The following APP variants were observed in gnomAD, a reference collection of about 807,000 sequenced individuals.
The protein encoded by APP is amyloid-beta precursor protein.
Under a neutral mutation model 101.4 loss-of-function variants are expected in APP, and 31 were observed. That is an observed-to-expected ratio of 0.31 (90% CI 0.23 to 0.41). The LOEUF (loss-of-function observed/expected upper bound fraction) is 0.41, where lower values mean the gene tolerates loss of function less well. Among genes scored for constraint, APP ranks in the 10% least tolerant of loss-of-function variants. APP has a pLI of 1.00. For missense variants in APP, 839 were observed against 1,003.7 expected, an observed-to-expected ratio of 0.84 and a Z score of 2.22; for synonymous variants, 366 against 364.4, an observed-to-expected ratio of 1.00 and a Z score of -0.05.
intron 1 of APP, among the ~76,000 whole-genome samples, chr21:26,167,874 T>C (rs1385611603): frequency 6.6e-6 from 1 of 152,190 alleles, no homozygotes; most frequent in Non-Finnish European, 1.5e-5. Flanking sequence ...CTGCCAGTTA[T>C]CATGGTTTCT....
rs529127779 is a variant in APP at position 26,163,770 on chromosome 21, A to G, written c.57+6794T>C. ...CCTGCGTTCATCATCATTTAACCAC[A>G]GTATCACCAGTTTCATACACTCAAG... On this transcript the variant is annotated intron_variant, in intron 1 of 17. Transcript: ENST00000346798. 7.2e-5 allele frequency among the ~76,000 whole-genome samples: 11 copies of G among 152,338 alleles called. No individual in the cohort carries two copies. In the South Asian group the frequency reaches 2.1e-3, roughly 29 times the overall value.
At chr21:25,906,250 A>G (rs756816245) in intron 14 of APP, among the ~76,000 whole-genome samples, 7 of 152,250 alleles carry the variant, frequency 4.6e-5, no homozygotes, top group Non-Finnish European at 1.0e-4. Context: ...GCACTAGGAT[A>G]TTTGGATGAA....
At chr21:26,155,995 C>T (rs1336223885) in intron 1 of APP, among the ~76,000 whole-genome samples, 4 of 117,404 alleles carry the variant, frequency 3.4e-5, no homozygotes, top group East Asian at 2.3e-4. Flanking sequence ...AGCGAGACTT[C>T]GTCTCAAAAA....
chr21:25,989,596 TATATTA>T (rs1388905562), intron 8 of APP, among the ~76,000 whole-genome samples: 2 of 152,226 alleles, frequency 1.3e-5, no homozygotes, highest in Non-Finnish European at 2.9e-5. Context: ...ATTCAGTCGA[TATATTA>T]ATATTAGATT....
In APP at chr21:26,012,016, T is replaced by C. The variant is rs550734162; in HGVS notation, c.865+9824A>G. 3.4e-5 allele frequency among the ~76,000 whole-genome samples: 5 copies of C among 148,994 alleles called. No individual in the cohort carries two copies. The East Asian group carries it at 7.8e-4, about 23-fold the overall frequency. ...TTTAACATTTCCTCTGCCTTAATCT[T>C]TTTTTTTTTTGGACAGGGTCTCACT... On this transcript the variant is annotated intron_variant, in intron 6 of 17. Coordinates refer to ENST00000346798, the MANE Select transcript of APP (RefSeq NM_000484.4).
At chr21:26,105,109 G>A (rs2062153467) in intron 2 of APP, among the ~76,000 whole-genome samples, 1 of 145,586 alleles carries the variant, frequency 6.9e-6, no homozygotes, top group Admixed American at 6.8e-5. Flanking sequence ...TTTGCCCAAT[G>A]ACAGATACCA....
chr21:26,124,105 T>G (rs2062633369), intron 1 of APP, among the ~76,000 whole-genome samples: 1 of 152,140 alleles, frequency 6.6e-6, no homozygotes, highest in South Asian at 2.1e-4. Context: ...CAATAAATAC[T>G]TATGCCAACA....
At chr21:25,938,248 C>T (rs1023689734) in intron 13 of APP, among the ~76,000 whole-genome samples, 3 of 152,100 alleles carry the variant, frequency 2.0e-5, no homozygotes, top group African/African-American at 7.2e-5. Context: ...GTTAATAATG[C>T]TTCATTGTAA....
intron 5 of APP, among the ~76,000 whole-genome samples, chr21:26,036,407 T>A (rs571936550): frequency 6.6e-6 from 1 of 152,106 alleles, no homozygotes; most frequent in Non-Finnish European, 1.5e-5. Context: ...AGGTAACCAA[T>A]TCTAAGAACT....
At chr21:25,957,093 A>T (rs1486166809) in intron 11 of APP, among the ~76,000 whole-genome samples, 1 of 152,168 alleles carries the variant, frequency 6.6e-6, no homozygotes, top group African/African-American at 2.4e-5. Flanking sequence ...ATACATATAC[A>T]CAATAAAAAT....
At chr21:26,104,662 A>T (rs185697489) in intron 2 of APP, among the ~76,000 whole-genome samples, 27 of 152,352 alleles carry the variant, frequency 1.8e-4, no homozygotes, top group African/African-American at 5.8e-4. Flanking sequence ...AAAACAACCC[A>T]GTAACACAAA....
At chr21:26,045,740 T>TA (rs1444937157) in intron 5 of APP, among the ~76,000 whole-genome samples, 1 of 152,196 alleles carries the variant, frequency 6.6e-6, no homozygotes, top group African/African-American at 2.4e-5. Context: ...TGATGAAGTT[T>TA]AAACTGGGTT....
Position 25,974,789 on chromosome 21 carries a change from A to G in APP, c.1458+281T>C, listed in dbSNP as rs561739921. Among the ~76,000 whole-genome samples, 3 of 152,250 alleles carry G rather than the reference A, an allele frequency of 2.0e-5. No individual in the cohort carries two copies. The East Asian group carries it at 5.8e-4, about 29-fold the overall frequency. The stretch of plus-strand genomic sequence containing the variant: ...GCCATCAATTGTCACCACCTCAGGA[A>G]TATTAAATCAAGTCAGGGCTTGCAA... On this transcript the variant is annotated intron_variant, in intron 11 of 17. Transcript: ENST00000346798.
At chr21:25,943,061 T>C (rs1024935015) in intron 13 of APP, 6 of 152,202 alleles carry the variant, frequency 3.9e-5, no homozygotes, top group African/African-American at 9.7e-5. Context: ...TAAAACACTT[T>C]ACAAAATTTG....
At chr21:25,908,706 G>A (rs1014415148) in intron 14 of APP, among the ~76,000 whole-genome samples, 14 of 120,520 alleles carry the variant, frequency 1.2e-4, no homozygotes, top group Non-Finnish European at 1.8e-5. Flanking sequence ...AAAAAAAAAA[G>A]CTACCACTGA....
chr21:26,091,335 GA>G (rs2061821231), intron 2 of APP, among the ~76,000 whole-genome samples: 1 of 152,176 alleles, frequency 6.6e-6, no homozygotes, highest in South Asian at 2.1e-4. Context: ...CAGGACTGGA[GA>G]AAGTGAGGTG....
intron 5 of APP, among the ~76,000 whole-genome samples, chr21:26,030,809 G>A (rs549038885): frequency 3.9e-5 from 6 of 152,320 alleles, no homozygotes; most frequent in African/African-American, 1.4e-4. Flanking sequence ...AGGTTTAGCT[G>A]CTACTAAGGA....
intron 7 of APP, among the ~76,000 whole-genome samples, chr21:25,998,312 G>A (rs2043135187): frequency 1.3e-5 from 2 of 150,234 alleles, no homozygotes; most frequent in South Asian, 2.1e-4. Flanking sequence ...CGCAATACCT[G>A]ACCTAATTGA....
Position 26,170,693 on chromosome 21 carries a change from C to A in APP, c.-73G>T, listed in dbSNP as rs1369592168. 1 of 1,415,524 alleles carries A rather than the reference C, an allele frequency of 7.1e-7. No homozygotes were observed. Among genetic ancestry groups the A allele is most frequent in the Non-Finnish European group, 9.2e-7 (1 of 1,081,456 alleles). 87.7% of individuals were successfully genotyped at this position (1,415,524 alleles called of 1,614,324 possible). On this transcript the variant is annotated 5_prime_UTR_variant, in exon 1 of 18. Coordinates refer to ENST00000346798, the MANE Select transcript of APP (RefSeq NM_000484.4). ...CGCCGCGTCCTTGCTCTGCCCGCGC[C>A]GCCACCGCCGCCGTCTCCCGGGGCC...
Sources: gnomAD v4.1 joint callset for allele counts (sites outside exome capture counted in the v4.1 genomes callset) on GRCh38, gnomAD v4.1.1 for gene constraint, MANE v1.5 for transcripts, NCBI Gene and HGNC (gene_info 2026-07-23, HGNC 2026-07-21) for gene names.